Variants in RNF185 observed in about 807,000 individuals in gnomAD.
RNF185 encodes the protein E3 ubiquitin-protein ligase RNF185.
Under a neutral mutation model 24.9 loss-of-function variants are expected in RNF185, and 13 were observed. The observed-to-expected ratio is 0.52, with a 90% CI of 0.34 to 0.83. The LOEUF (loss-of-function observed/expected upper bound fraction) is 0.83, where lower values mean the gene tolerates loss of function less well. RNF185 is among the 40% of genes least tolerant of loss of function. The pLI is 0.01. For synonymous variants in RNF185, 79 were observed against 90.3 expected, an observed-to-expected ratio of 0.88 and a Z score of 0.71; for missense variants, 184 against 244.7, an observed-to-expected ratio of 0.75 and a Z score of 1.65.
chr22:31,176,444 A>G (rs2047983193), intron 1 of RNF185, among the ~76,000 whole-genome samples: 1 of 147,956 alleles, frequency 6.8e-6, no homozygotes, highest in African/African-American at 2.5e-5. Context: ...CTGGCCACAT[A>G]TATATTCAAC....
At chr22:31,191,822 C>G (rs940612851) in intron 2 of RNF185, among the ~76,000 whole-genome samples, 1 of 115,818 alleles carries the variant, frequency 8.6e-6, no homozygotes, top group Non-Finnish European at 1.7e-5. Flanking sequence ...AACAAAACTT[C>G]GTCTCAAAAA....
chr22:31,196,145 A>G (rs146972193), intron 4 of RNF185, among the ~76,000 whole-genome samples: 4 of 152,124 alleles, frequency 2.6e-5, no homozygotes, highest in Non-Finnish European at 4.4e-5. Flanking sequence ...CAGCCTGTGT[A>G]TTTGCTCTCT....
chr22:31,196,764 G>A (rs1047893707), intron 4 of RNF185, among the ~76,000 whole-genome samples, 172 bp from the exon 5 acceptor site: 3 of 152,250 alleles, frequency 2.0e-5, no homozygotes, highest in Non-Finnish European at 4.4e-5. Context: ...GGGAAGAACA[G>A]TTGCAGGTAG....
At chr22:31,191,375 G>T (rs771073192) in intron 2 of RNF185, among the ~76,000 whole-genome samples, 6 of 152,164 alleles carry the variant, frequency 3.9e-5, no homozygotes, top group African/African-American at 7.2e-5. Context: ...CTAAACTGTG[G>T]TTCAGGAATT....
At chr22:31,175,076 TAAAAAAA>T (rs5844936) in intron 1 of RNF185, among the ~76,000 whole-genome samples, 1 of 138,608 alleles carries the variant, frequency 7.2e-6, no homozygotes, top group Middle Eastern at 3.7e-3. Flanking sequence ...CGTCTCAAAT[TAAAAAAA>T]AAAAAAAAAA....
chr22:31,195,792 A>C (rs2048200226), intron 4 of RNF185, among the ~76,000 whole-genome samples: 1 of 152,214 alleles, frequency 6.6e-6, no homozygotes, highest in Non-Finnish European at 1.5e-5. Context: ...CAGACATCAC[A>C]ATCACAAGTG....
At chr22:31,174,793 G>A (rs1240872083) in intron 1 of RNF185, among the ~76,000 whole-genome samples, 2 of 152,038 alleles carry the variant, frequency 1.3e-5, no homozygotes, top group African/African-American at 4.8e-5. Context: ...GAAGAGGCTG[G>A]GTGTGGTGGC....
At chr22:31,193,567 G>A (rs1457476050) in intron 3 of RNF185, among the ~76,000 whole-genome samples, 2 of 152,156 alleles carry the variant, frequency 1.3e-5, no homozygotes, top group African/African-American at 2.4e-5. Context: ...GCCAAGGCAG[G>A]TGGATCACTT....
At chr22:31,192,825 A>G in intron 3 of RNF185, 123 bp downstream of exon 3, 1 of 850,200 alleles carries the variant, frequency 1.2e-6, no homozygotes, top group Non-Finnish European at 2.0e-6. Flanking sequence ...TTGCTTACTT[A>G]CCCCCACAGC....
chr22:31,192,378 C>G (rs1231686165), intron 2 of RNF185, among the ~76,000 whole-genome samples: 2 of 152,170 alleles, frequency 1.3e-5, no homozygotes, highest in East Asian at 3.8e-4. Flanking sequence ...TGTAGAGAAG[C>G]TGGGTCTGTG....
At chr22:31,164,631 C>T (rs979952276) in intron 1 of RNF185, among the ~76,000 whole-genome samples, 18 of 144,892 alleles carry the variant, frequency 1.2e-4, no homozygotes, top group African/African-American at 4.7e-4. Context: ...CCCTGTCACC[C>T]AGGCTGGAAT....
chr22:31,185,780 G>T lies in RNF185; in HGVS notation c.-48-1267G>T, dbSNP rs920231905. Among the ~76,000 whole-genome samples the T allele has an allele frequency of 2.6e-5, 4 of 152,162 alleles. No homozygotes were observed. The East Asian group carries it at 7.7e-4, about 29-fold the overall frequency. On this transcript the variant is annotated intron_variant, in intron 1 of 6. Coordinates refer to ENST00000326132, the MANE Select transcript of RNF185 (RefSeq NM_152267.4). ...AATTCCTGGGTATCCCTTGGTGTTGGTTTTATCCTCTTTCTTGTTCAACTC... is the reference window on the plus strand; with the variant it reads ...AATTCCTGGGTATCCCTTGGTGTTGTTTTTATCCTCTTTCTTGTTCAACTC...
intron 1 of RNF185, among the ~76,000 whole-genome samples, chr22:31,173,403 T>TCACACACACACACA (rs1239424812): frequency 1.4e-4 from 7 of 50,020 alleles, no homozygotes; most frequent in African/African-American, 5.3e-4. Flanking sequence ...GTCAACTCAT[T>TCACACACACACACA]CACACACACA....
At chr22:31,179,597 TCTA>T (rs2048014490) in intron 1 of RNF185, among the ~76,000 whole-genome samples, 1 of 152,126 alleles carries the variant, frequency 6.6e-6, no homozygotes, top group South Asian at 2.1e-4. Context: ...CCATGTGGTG[TCTA>T]CTAAGATTTA....
At chr22:31,196,640 G>C (rs1311756428) in intron 4 of RNF185, among the ~76,000 whole-genome samples, 1 of 152,168 alleles carries the variant, frequency 6.6e-6, no homozygotes, top group East Asian at 1.9e-4. Context: ...GAAGGCATCT[G>C]GCCATGATTC....
intron 1 of RNF185, among the ~76,000 whole-genome samples, chr22:31,165,998 TA>T (rs1379791875): frequency 1.4e-5 from 2 of 146,098 alleles, no homozygotes; most frequent in Admixed American, 6.8e-5. Flanking sequence ...ATTTTATTAT[TA>T]TTTTTTTTTA....
rs754539192 is a variant in RNF185, at chr22:31,187,103, C to T, written c.9C>T (p.Ser3=). 2 of 1,605,384 alleles carry T rather than the reference C, an allele frequency of 1.2e-6. No individual in the cohort carries two copies. The highest frequency in any genetic ancestry group is 3.5e-5 in the Admixed American group (2 of 57,482). Residue 3 remains serine, a synonymous_variant, in exon 2 of 7, where the codon AGC becomes AGT. Transcript: ENST00000326132. The part of the protein sequence containing the change: MA[S]KGPSASASPE... ...TTCGCTGACAGCCAAGGATGGCAAG[C>T]AAGGGGCCCTCGGCCTCTGCATCTC...
intron 1 of RNF185, among the ~76,000 whole-genome samples, chr22:31,180,907 CTCTCTCTCTGTGTGTG>C (rs1196165172): frequency 2.0e-5 from 1 of 50,306 alleles, no homozygotes; most frequent in East Asian, 3.3e-4. Context: ...GGCATTTTCT[CTCTCTCTCTGTGTGTG>C]TGTGTGTGTG....
intron 1 of RNF185, among the ~76,000 whole-genome samples, chr22:31,161,691 CTTGAGGT>C (rs1425050832): frequency 1.3e-5 from 2 of 152,196 alleles, no homozygotes. Context: ...GAAAGCACCC[CTTGAGGT>C]TGTTCAGACC....
Sources: allele counts gnomAD v4.1 joint callset (sites outside exome capture counted in the v4.1 genomes callset), GRCh38; gene constraint gnomAD v4.1.1; transcripts MANE v1.5; gene names NCBI Gene and HGNC (gene_info 2026-07-23, HGNC 2026-07-21).